The following MYRIP variants were observed in gnomAD, a reference collection of about 807,000 sequenced individuals.
The protein encoded by MYRIP is rab effector MyRIP.
A neutral mutation model predicts 98.0 loss-of-function variants in MYRIP; 49 were observed. The ratio of observed to expected loss-of-function variants is 0.50; its 90% CI spans 0.40 to 0.63. The LOEUF is 0.63. Ranked by LOEUF, MYRIP falls within the 30% of genes least tolerant of loss-of-function variation. The pLI is 0.00. For missense variants in MYRIP, 1,004 were observed against 1,058.2 expected, an observed-to-expected ratio of 0.95 and a Z score of 0.71; for synonymous variants, 404 against 409.5, an observed-to-expected ratio of 0.99 and a Z score of 0.16.
intron 9 of MYRIP, among the ~76,000 whole-genome samples, chr3:40,183,123 T>C (rs577403628): frequency 6.8e-4 from 103 of 152,188 alleles, no homozygotes; most frequent in African/African-American, 2.4e-3. Context: ...TTCTTAACTA[T>C]CTCAGCACGG....
At position 39,986,144 on chromosome 3, in the gene MYRIP, T is replaced by A. The variant is rs148444799; in HGVS notation, c.111-57906T>A. Among the ~76,000 whole-genome samples, 13 of 152,286 alleles carry A rather than the reference T, an allele frequency of 8.5e-5. 1 individual carries two copies. Among genetic ancestry groups the A allele is most frequent in the African/African-American group, 3.1e-4 (13 of 41,574 alleles). On this transcript the variant is annotated intron_variant, in intron 2 of 16. Coordinates refer to ENST00000302541, the MANE Select transcript of MYRIP (RefSeq NM_015460.4). ...ACCTCTATTTCTGCACAAATTGATATTACTATTACTTGCTAGTGTTAGGTG... is the reference window on the plus strand; with the variant it reads ...ACCTCTATTTCTGCACAAATTGATAATACTATTACTTGCTAGTGTTAGGTG...
intron 3 of MYRIP, among the ~76,000 whole-genome samples, chr3:40,112,899 A>G (rs1949189058): frequency 6.6e-6 from 1 of 152,176 alleles, no homozygotes; most frequent in African/African-American, 2.4e-5. Context: ...ATTAGAAGCC[A>G]CCCTACCAGA....
At chr3:39,973,824 C>A (rs1344870323) in intron 2 of MYRIP, among the ~76,000 whole-genome samples, 1 of 152,124 alleles carries the variant, frequency 6.6e-6, no homozygotes, top group Non-Finnish European at 1.5e-5. Context: ...GAAATGAAGG[C>A]AGAAATAAAG....
At chr3:40,114,610 GA>G (rs753391048) in intron 3 of MYRIP, among the ~76,000 whole-genome samples, 2 of 152,100 alleles carry the variant, frequency 1.3e-5, no homozygotes, top group African/African-American at 4.8e-5. Flanking sequence ...AGCCAAGAAA[GA>G]AAAAAGGAGC....
At chr3:40,230,373 T>C (rs1175766951) in intron 11 of MYRIP, among the ~76,000 whole-genome samples, 1 of 152,186 alleles carries the variant, frequency 6.6e-6, no homozygotes, top group East Asian at 1.9e-4. Flanking sequence ...CCTCTGAATC[T>C]CCACCAGTTT....
chr3:39,952,669 T>C lies in MYRIP; in HGVS notation c.110+51743T>C, dbSNP rs1011349769. On this transcript the variant is annotated intron_variant, in intron 2 of 16. Coordinates refer to ENST00000302541, the MANE Select transcript of MYRIP (RefSeq NM_015460.4). ...CCGCCTCATAGAATGAAATACGAAG[T>C]GTTTTTTCCTAAACTCTGTTTCCTC... 2.0e-5 allele frequency among the ~76,000 whole-genome samples: 3 copies of C among 152,158 alleles called. 1 individual carries two copies. The highest frequency in any genetic ancestry group is 7.2e-5 in the African/African-American group (3 of 41,448).
chr3:40,026,776 C>T (rs1370697692), intron 2 of MYRIP, among the ~76,000 whole-genome samples: 1 of 152,140 alleles, frequency 6.6e-6, no homozygotes, highest in East Asian at 1.9e-4. Context: ...CAGCCAAATC[C>T]AGTGGATATA....
At chr3:39,915,646 C>G (rs548520184) in intron 2 of MYRIP, among the ~76,000 whole-genome samples, 1 of 151,750 alleles carries the variant, frequency 6.6e-6, no homozygotes, top group Admixed American at 6.6e-5. Flanking sequence ...TACTAGTAAC[C>G]CTTGCACTGC....
At chr3:39,811,295 CCCG>C (rs1307142366) in intron 1 of MYRIP, among the ~76,000 whole-genome samples, 1 of 152,028 alleles carries the variant, frequency 6.6e-6, no homozygotes, top group African/African-American at 2.4e-5. Context: ...TGAAATAATC[CCCG>C]CCGCCTTTCA....
intron 2 of MYRIP, among the ~76,000 whole-genome samples, chr3:39,973,783 C>A (rs191182162): frequency 0.016 from 2,402 of 152,264 alleles, 26 homozygotes; most frequent in Non-Finnish European, 0.022. Context: ...AACTGAACAA[C>A]CTGCTCCTGA....
chr3:40,080,584 T>G (rs114419727), intron 3 of MYRIP, among the ~76,000 whole-genome samples: 1 of 152,040 alleles, frequency 6.6e-6, no homozygotes, highest in African/African-American at 2.4e-5. Context: ...TTATCTAACT[T>G]TCCAATTAAT....
rs528712338 is a variant in MYRIP at position 40,020,909 on chromosome 3, C to T, written c.111-23141C>T. Among the ~76,000 whole-genome samples the T allele has an allele frequency of 3.9e-5, 6 of 152,188 alleles. No homozygotes were observed. In the South Asian group the frequency reaches 1.2e-3, roughly 32 times the overall value. ...GCAAGTGAAGGGATTCCACCAGGCCCCTGGATGCTCATCATTCCAATATGG... is the reference window on the plus strand; with the variant it reads ...GCAAGTGAAGGGATTCCACCAGGCCTCTGGATGCTCATCATTCCAATATGG... On this transcript the variant is annotated intron_variant, in intron 2 of 16. Transcript: ENST00000302541.
chr3:40,188,090 G>A lies in MYRIP; in HGVS notation c.1028-1736G>A, dbSNP rs138185279. Among the ~76,000 whole-genome samples, 671 of 152,296 alleles carry A rather than the reference G, an allele frequency of 4.4e-3. 6 individuals are homozygous for A. Among genetic ancestry groups the A allele is most frequent in the Admixed American group, 6.6e-3 (101 of 15,288 alleles). ...ACTCTCAAAATAAAAATAACTCGAT[G>A]TCCTGCCAGTCTGAGCTGCAGTCAG... is the stretch of plus-strand genomic sequence containing the variant. On this transcript the variant is annotated intron_variant, in intron 9 of 16. Coordinates refer to ENST00000302541, the MANE Select transcript of MYRIP (RefSeq NM_015460.4).
intron 1 of MYRIP, among the ~76,000 whole-genome samples, chr3:39,883,331 G>T (rs1269661045): frequency 3.9e-5 from 6 of 152,164 alleles, no homozygotes; most frequent in Admixed American, 3.9e-4. Flanking sequence ...ATGCAAGCTT[G>T]CTGGTACCGT....
At chr3:40,133,504 T>C (rs922324415) in intron 3 of MYRIP, among the ~76,000 whole-genome samples, 1 of 152,176 alleles carries the variant, frequency 6.6e-6, no homozygotes, top group African/African-American at 2.4e-5. Flanking sequence ...GTGATAAAGA[T>C]TTATGCTTAG....
intron 7 of MYRIP, among the ~76,000 whole-genome samples, 171 bp downstream of exon 7, chr3:40,167,410 C>T (rs954106691): frequency 3.9e-5 from 6 of 152,222 alleles, no homozygotes; most frequent in Non-Finnish European, 7.3e-5. Flanking sequence ...ATGCATCGCA[C>T]TGCTTGCTTG....
chr3:39,915,446 C>T (rs1698910381), intron 2 of MYRIP, among the ~76,000 whole-genome samples: 1 of 151,924 alleles, frequency 6.6e-6, no homozygotes, highest in African/African-American at 2.4e-5. Flanking sequence ...TAAATGGAGA[C>T]ATATTCAACT....
intron 9 of MYRIP, among the ~76,000 whole-genome samples, chr3:40,183,022 A>G (rs1950929689): frequency 6.6e-6 from 1 of 152,220 alleles, no homozygotes; most frequent in Admixed American, 6.5e-5. Flanking sequence ...TTGTGGCTCT[A>G]TCATCCTCCA....
intron 4 of MYRIP, among the ~76,000 whole-genome samples, chr3:40,159,815 G>A (rs1468344426): frequency 5.9e-5 from 9 of 151,926 alleles, no homozygotes; most frequent in Admixed American, 1.3e-4. Context: ...CATTCTTCAC[G>A]TAGTTCTCGA....
Sources: gnomAD v4.1 joint callset for allele counts (sites outside exome capture counted in the v4.1 genomes callset) on GRCh38, gnomAD v4.1.1 for gene constraint, MANE v1.5 for transcripts, NCBI Gene and HGNC (gene_info 2026-07-23, HGNC 2026-07-21) for gene names.